The following REC114 variants were observed in gnomAD, a reference collection of about 807,000 sequenced individuals.
The protein encoded by REC114 is REC114 meiotic recombination protein.
Under a neutral mutation model 31.3 loss-of-function variants are expected in REC114, and 27 were observed. The ratio of observed to expected loss-of-function variants is 0.86; its 90% CI spans 0.64 to 1.19. REC114 has a LOEUF of 1.19. Among genes scored for constraint, REC114 ranks in the 50% most tolerant of loss-of-function variants. REC114 has a pLI of 0.00. For synonymous variants in REC114, 134 were observed against 127.7 expected (o/e 1.05, Z -0.33); for missense variants, 344 against 326.9 (o/e 1.05, Z -0.40).
At chr15:73,518,845 CTT>C (rs1412342344) in intron 2 of REC114, among the ~76,000 whole-genome samples, 1 of 152,192 alleles carries the variant, frequency 6.6e-6, no homozygotes, top group African/African-American at 2.4e-5. Context: ...GTTGTTATAA[CTT>C]TAAAAGAGCT....
At chr15:73,518,521 A>G (rs1031481596) in intron 2 of REC114, among the ~76,000 whole-genome samples, 4 of 152,244 alleles carry the variant, frequency 2.6e-5, no homozygotes, top group African/African-American at 7.2e-5. Context: ...ACTAATTTAA[A>G]TCACATCCTT....
At chr15:73,493,591 A>G (rs1417063029) in intron 2 of REC114, among the ~76,000 whole-genome samples, 2 of 152,306 alleles carry the variant, frequency 1.3e-5, no homozygotes, top group East Asian at 1.9e-4. Flanking sequence ...TTCATCTGCA[A>G]TAACCTCACT....
At chr15:73,528,551 A>G (rs939950731) in intron 2 of REC114, among the ~76,000 whole-genome samples, 54 of 152,332 alleles carry the variant, frequency 3.5e-4, no homozygotes, top group Non-Finnish European at 2.2e-4. Context: ...AGGGGTTAGC[A>G]CACAATGCGT....
chr15:73,459,091 A>G (rs963390908), intron 1 of REC114, among the ~76,000 whole-genome samples: 3 of 151,882 alleles, frequency 2.0e-5, no homozygotes, highest in African/African-American at 7.2e-5. Context: ...CAAAATATTA[A>G]TTGAAGGAAT....
rs184766413 is a variant in REC114 at position 73,501,456 on chromosome 15, A to G, written c.249+27535A>G. ...TTTTATCAGCAGCAGCAGCAGCATT[A>G]TTATTTTAGGCAGAGTCTCGCTCTG... is the stretch of plus-strand genomic sequence containing the variant. On this transcript the variant is annotated intron_variant, in intron 2 of 5. Transcript: ENST00000331090. 3.7e-4 allele frequency among the ~76,000 whole-genome samples: 56 copies of G among 152,168 alleles called. 2 individuals carry two copies. Among genetic ancestry groups the G allele is most frequent in the Middle Eastern group, 3.4e-3 (1 of 294 alleles).
intron 2 of REC114, among the ~76,000 whole-genome samples, chr15:73,502,214 T>C (rs1442507199): frequency 6.6e-6 from 1 of 152,140 alleles, no homozygotes; most frequent in Non-Finnish European, 1.5e-5. Flanking sequence ...AACATTTGTT[T>C]ACTTTGTATT....
chr15:73,553,821 G>A (rs1365078801), intron 4 of REC114, among the ~76,000 whole-genome samples: 1 of 152,128 alleles, frequency 6.6e-6, no homozygotes, highest in Non-Finnish European at 1.5e-5. Context: ...CTTCTGAACT[G>A]TAATTGGGTG....
intron 1 of REC114, among the ~76,000 whole-genome samples, chr15:73,451,478 G>C (rs1430330017): frequency 1.3e-5 from 2 of 152,126 alleles, no homozygotes; most frequent in East Asian, 3.9e-4. Flanking sequence ...CTGAAATTGA[G>C]GCAGTAATGA....
chr15:73,548,892 C>T (rs1201058993), intron 3 of REC114, among the ~76,000 whole-genome samples: 4 of 152,084 alleles, frequency 2.6e-5, no homozygotes, highest in Admixed American at 2.6e-4. Flanking sequence ...ATGGATGGAG[C>T]TGGAGGCCAT....
intron 2 of REC114, among the ~76,000 whole-genome samples, chr15:73,493,619 GT>G (rs1243709534): frequency 6.6e-6 from 1 of 152,106 alleles, no homozygotes; most frequent in African/African-American, 2.4e-5. Context: ...GAAACTAATA[GT>G]TTCCTTTCAA....
At chr15:73,470,527 T>A (rs146960453) in intron 1 of REC114, among the ~76,000 whole-genome samples, 6 of 152,328 alleles carry the variant, frequency 3.9e-5, no homozygotes, top group Admixed American at 3.9e-4. Flanking sequence ...AAAGTTCTTA[T>A]TTACTTAACC....
chr15:73,507,674 T>C (rs1016243393), intron 2 of REC114, among the ~76,000 whole-genome samples: 9 of 152,204 alleles, frequency 5.9e-5, no homozygotes, highest in Non-Finnish European at 7.4e-5. Flanking sequence ...TACACATATA[T>C]AGTGTTTTAT....
At chr15:73,534,284 T>C (rs1187411531) in intron 2 of REC114, among the ~76,000 whole-genome samples, 1 of 152,100 alleles carries the variant, frequency 6.6e-6, no homozygotes, top group Non-Finnish European at 1.5e-5. Context: ...GATAGACCGC[T>C]AGCAAGACTA....
At chr15:73,541,080 G>A (rs1894231556) in intron 3 of REC114, among the ~76,000 whole-genome samples, 1 of 152,104 alleles carries the variant, frequency 6.6e-6, no homozygotes. Context: ...TAACATTCAT[G>A]GAGTAGATAA....
chr15:73,473,170 C>A (rs1007966521), intron 1 of REC114, among the ~76,000 whole-genome samples: 1 of 152,070 alleles, frequency 6.6e-6, no homozygotes, highest in Non-Finnish European at 1.5e-5. Context: ...TGGGCAGATA[C>A]TTGAGGTCAG....
rs138834830 is a variant in REC114, at chr15:73,539,330, C to T, written c.250-1155C>T. Among the ~76,000 whole-genome samples, 290 of 131,376 alleles carry T rather than the reference C, an allele frequency of 2.2e-3. 4 individuals carry two copies. Among genetic ancestry groups the T allele is most frequent in the Non-Finnish European group, 3.1e-3 (196 of 64,224 alleles). The allele number at this position is 131,376 out of a possible 152,430, so 86.2% of individuals were successfully genotyped here. A position where few individuals can be genotyped will look rare whatever the true frequency, so the allele number is the denominator to read the frequency against. On this transcript the variant is annotated intron_variant, in intron 2 of 5. Coordinates refer to ENST00000331090, the MANE Select transcript of REC114 (RefSeq NM_001042367.2). ...TTTTGAGACGGAATCTCACTCTGTC[C>T]CCCAGACTGGAGTGCAGTGGCGCAA...
intron 2 of REC114, among the ~76,000 whole-genome samples, chr15:73,495,839 TAATG>T (rs1004197228): frequency 7.2e-4 from 109 of 152,264 alleles, no homozygotes; most frequent in African/African-American, 2.6e-3. Context: ...CACTAATCAT[TAATG>T]AAAGGGAAAT....
At chr15:73,558,393 T>G (rs2141340205) in intron 5 of REC114, among the ~76,000 whole-genome samples, 1 of 152,340 alleles carries the variant, frequency 6.6e-6, no homozygotes, top group Admixed American at 6.5e-5. Flanking sequence ...CCCATCATCG[T>G]CATGTGGGAC....
chr15:73,518,664 G>C (rs529242768), intron 2 of REC114, among the ~76,000 whole-genome samples: 1 of 152,340 alleles, frequency 6.6e-6, no homozygotes, highest in Non-Finnish European at 1.5e-5. Context: ...CTGAATAGGG[G>C]GAGGGGTGAT....
Sources: allele counts gnomAD v4.1 joint callset (sites outside exome capture counted in the v4.1 genomes callset), GRCh38; gene constraint gnomAD v4.1.1; transcripts MANE v1.5; gene names NCBI Gene and HGNC (gene_info 2026-07-23, HGNC 2026-07-21).